THSD7B: variants seen among roughly 807,000 people sequenced by gnomAD.
The protein encoded by THSD7B is thrombospondin type-1 domain-containing protein 7B.
A neutral mutation model predicts 213.6 loss-of-function variants in THSD7B; 138 were observed. The ratio of observed to expected loss-of-function variants is 0.65; its 90% CI spans 0.56 to 0.74. The LOEUF is 0.74. Ranked by LOEUF, THSD7B falls within the 30% of genes least tolerant of loss-of-function variation. The pLI is 0.00. For synonymous variants in THSD7B, 742 were observed against 687.0 expected, an observed-to-expected ratio of 1.08 and a Z score of -1.25; for missense variants, 1,931 against 1,991.5, an observed-to-expected ratio of 0.97 and a Z score of 0.58.
chr2:137,386,740 A>G lies in THSD7B; in HGVS notation c.2501-18873A>G, dbSNP rs537096841. ...TCATAATTGAAAAGAAGCAAAACTT[A>G]TCACTGCATGTCTGACTATCCAAGT... On this transcript the variant is annotated intron_variant, in intron 12 of 27. Transcript: ENST00000409968. Among the ~76,000 whole-genome samples, 4 of 152,296 alleles carry G rather than the reference A, an allele frequency of 2.6e-5. No individual in the cohort carries two copies. In the South Asian group the frequency reaches 8.3e-4, roughly 32 times the overall value.
intron 1 of THSD7B, among the ~76,000 whole-genome samples, chr2:136,830,610 A>G (rs1031657278): frequency 1.3e-5 from 2 of 151,990 alleles, no homozygotes; most frequent in Non-Finnish European, 2.9e-5. Context: ...TTGTAAATGT[A>G]TTTTCTTCTT....
At chr2:137,353,233 A>T (rs752251712) in intron 12 of THSD7B, among the ~76,000 whole-genome samples, 4 of 152,114 alleles carry the variant, frequency 2.6e-5, no homozygotes, top group Non-Finnish European at 4.4e-5. Context: ...AAATTGGGTA[A>T]TGAGTATGGT....
intron 18 of THSD7B, among the ~76,000 whole-genome samples, chr2:137,617,670 G>A (rs1682432017): frequency 6.6e-6 from 1 of 152,082 alleles, no homozygotes; most frequent in South Asian, 2.1e-4. Context: ...AGTCTGTCCT[G>A]GATGCTATAA....
chr2:137,112,427 G>A (rs778914823), intron 4 of THSD7B, among the ~76,000 whole-genome samples: 9 of 151,738 alleles, frequency 5.9e-5, no homozygotes, highest in Non-Finnish European at 1.0e-4. Context: ...CCAGTGAATG[G>A]AACTTGGGTG....
chr2:137,399,171 G>A (rs769655199), intron 12 of THSD7B, among the ~76,000 whole-genome samples: 6 of 150,244 alleles, frequency 4.0e-5, no homozygotes, highest in Admixed American at 2.0e-4. Flanking sequence ...GTTCCTATTC[G>A]GCCATCTTGG....
intron 2 of THSD7B, among the ~76,000 whole-genome samples, chr2:136,971,051 T>C (rs1685395763): frequency 6.6e-6 from 1 of 152,164 alleles, no homozygotes; most frequent in Non-Finnish European, 1.5e-5. Flanking sequence ...AAAAACTACC[T>C]GAAAATGTTT....
chr2:137,473,724 T>C (rs1372131599), intron 15 of THSD7B, among the ~76,000 whole-genome samples: 2 of 152,236 alleles, frequency 1.3e-5, no homozygotes, highest in African/African-American at 2.4e-5. Context: ...AGCAGTTTAC[T>C]GTCCTTGCTT....
At chr2:137,318,507 A>G (rs958228555) in intron 12 of THSD7B, among the ~76,000 whole-genome samples, 6 of 152,278 alleles carry the variant, frequency 3.9e-5, no homozygotes, top group African/African-American at 1.4e-4. Context: ...GTAAAAACAG[A>G]GGTAATACCC....
At chr2:137,206,638 G>T (rs185911204) in intron 7 of THSD7B, among the ~76,000 whole-genome samples, 1 of 152,134 alleles carries the variant, frequency 6.6e-6, no homozygotes, top group Admixed American at 6.5e-5. Flanking sequence ...AACAGGTCCA[G>T]GTGGGAATAG....
At chr2:137,646,954 G>A (rs929113022) in intron 21 of THSD7B, among the ~76,000 whole-genome samples, 9 of 152,028 alleles carry the variant, frequency 5.9e-5, no homozygotes, top group Non-Finnish European at 1.0e-4. Context: ...CTTTTGTGCC[G>A]GTATGTCTTT....
At chr2:137,586,358 G>GT (rs1381046248) in intron 17 of THSD7B, among the ~76,000 whole-genome samples, 1 of 152,152 alleles carries the variant, frequency 6.6e-6, no homozygotes, top group Non-Finnish European at 1.5e-5. Context: ...ATTGTTATGT[G>GT]TGAATTTGAT....
intron 12 of THSD7B, among the ~76,000 whole-genome samples, chr2:137,280,994 C>T (rs1233625093): frequency 6.6e-6 from 1 of 152,088 alleles, no homozygotes; most frequent in Non-Finnish European, 1.5e-5. Flanking sequence ...CGTGAGTATA[C>T]TCTGTCAGCG....
intron 27 of THSD7B, among the ~76,000 whole-genome samples, chr2:137,671,654 T>C (rs1476882840): frequency 6.6e-6 from 1 of 152,120 alleles, no homozygotes; most frequent in Non-Finnish European, 1.5e-5. Flanking sequence ...GAGAACACCA[T>C]GGGGGAAGCG....
rs189787310 is a variant in THSD7B at position 137,263,761 on chromosome 2, C to A, written c.2267-8772C>A. The stretch of plus-strand genomic sequence containing the variant: ...TGGGAGAGAATTTTAGGGGAAGATG[C>A]TGCTGTTGATGTATCTGCTCTATAT... On this transcript the variant is annotated intron_variant, in intron 10 of 27. Coordinates refer to ENST00000409968, the MANE Select transcript of THSD7B (RefSeq NM_001316349.2). Among the ~76,000 whole-genome samples the A allele has an allele frequency of 2.2e-4, 33 of 152,176 alleles. No homozygotes were observed. In the East Asian group the frequency reaches 6.2e-3, roughly 28 times the overall value.
chr2:137,085,628 G>T (rs1441057712), intron 3 of THSD7B, among the ~76,000 whole-genome samples: 1 of 152,042 alleles, frequency 6.6e-6, no homozygotes, highest in East Asian at 1.9e-4. Flanking sequence ...AAAAGAAAAA[G>T]TTATATAGGT....
chr2:137,214,883 G>A lies in THSD7B; in HGVS notation c.1724-16161G>A, dbSNP rs182411624. Among the ~76,000 whole-genome samples, 276 of 152,198 alleles carry A rather than the reference G, an allele frequency of 1.8e-3. 1 individual carries two copies. Among genetic ancestry groups the A allele is most frequent in the Admixed American group, 3.3e-3 (51 of 15,298 alleles). On this transcript the variant is annotated intron_variant, in intron 7 of 27. Transcript: ENST00000409968. ...AGTCTTTGCTATTGTGAATAGTGCT[G>A]CAATAAACATACGTGTGCATATGTC...
At chr2:137,419,797 G>A (rs1686884258) in intron 14 of THSD7B, among the ~76,000 whole-genome samples, 2 of 151,848 alleles carry the variant, frequency 1.3e-5, no homozygotes, top group Non-Finnish European at 2.9e-5. Context: ...CTGGGGACCT[G>A]TCCCTGTCTG....
At chr2:137,446,247 C>T (rs1166874144) in intron 14 of THSD7B, among the ~76,000 whole-genome samples, 11 of 151,952 alleles carry the variant, frequency 7.2e-5, no homozygotes, top group Admixed American at 6.6e-4. Flanking sequence ...CGTGTTTGTA[C>T]TTGACTGTTG....
At chr2:136,835,092 C>T (rs1405644643) in intron 1 of THSD7B, among the ~76,000 whole-genome samples, 1 of 152,204 alleles carries the variant, frequency 6.6e-6, no homozygotes, top group Admixed American at 6.5e-5. Flanking sequence ...ACTCTGATCA[C>T]ACCTACTCTG....
Sources: allele counts gnomAD v4.1 joint callset (sites outside exome capture counted in the v4.1 genomes callset), GRCh38; gene constraint gnomAD v4.1.1; transcripts MANE v1.5; gene names NCBI Gene and HGNC (gene_info 2026-07-23, HGNC 2026-07-21).